Variants in FARP2 observed in about 807,000 individuals in gnomAD.
FARP2 encodes the protein FERM, ARHGEF and pleckstrin domain-containing protein 2.
In FARP2, 111 loss-of-function variants were observed where a neutral mutation model predicts 130.5. That is an observed-to-expected ratio of 0.85 (90% CI 0.73 to 1.00). FARP2 has a LOEUF of 1.00. Among genes scored for constraint, FARP2 ranks in the 50% least tolerant of loss-of-function variants. The probability of loss-of-function intolerance (pLI) is 0.00; values close to 1 mark genes in which losing one functional copy is unlikely to be tolerated. For missense variants in FARP2, 1,385 were observed against 1,346.3 expected (o/e 1.03, Z -0.45); for synonymous variants, 504 against 516.9 (o/e 0.98, Z 0.34).
intron 2 of FARP2, chr2:241,395,348 A>G (rs1016393987): frequency 2.0e-5 from 3 of 152,200 alleles, no homozygotes; most frequent in African/African-American, 4.8e-5. Flanking sequence ...ATATATCTCT[A>G]TACCTTATTT....
chr2:241,434,866 G>A (rs2063183125), intron 10 of FARP2, 96 bp from the exon 11 acceptor site: 3 of 784,354 alleles, frequency 3.8e-6, no homozygotes, highest in Non-Finnish European at 4.4e-6. Context: ...GTATATTTAT[G>A]AGAGAGGATG....
At chr2:241,492,313 CA>C (rs1273763748) in intron 24 of FARP2, among the ~76,000 whole-genome samples, 1 of 152,210 alleles carries the variant, frequency 6.6e-6, no homozygotes, top group Non-Finnish European at 1.5e-5. Flanking sequence ...GGTCAGGGTG[CA>C]GCAGGTCCCT....
chr2:241,406,587 C>G (rs1471507715), intron 4 of FARP2, among the ~76,000 whole-genome samples: 1 of 151,382 alleles, frequency 6.6e-6, no homozygotes, highest in African/African-American at 2.4e-5. Flanking sequence ...GCTGGAACTT[C>G]AGGCATGCGC....
At chr2:241,432,588 T>C (rs1450518719) in intron 9 of FARP2, among the ~76,000 whole-genome samples, 1 of 152,232 alleles carries the variant, frequency 6.6e-6, no homozygotes, top group Non-Finnish European at 1.5e-5. Flanking sequence ...ATAGCTCTAA[T>C]TGAAGAAGCC....
chr2:241,444,817 AG>A (rs2063475536), intron 13 of FARP2: 1 of 152,226 alleles, frequency 6.6e-6, no homozygotes, highest in East Asian at 1.9e-4. Context: ...AAATATACAA[AG>A]CAGGAATGTA....
intron 3 of FARP2, among the ~76,000 whole-genome samples, chr2:241,404,453 G>T (rs902962799): frequency 6.6e-6 from 1 of 152,118 alleles, no homozygotes; most frequent in Non-Finnish European, 1.5e-5. Context: ...GCAGAAGCCC[G>T]CTCATCAGTT....
intron 2 of FARP2, among the ~76,000 whole-genome samples, chr2:241,397,920 C>G (rs2062070767): frequency 6.6e-6 from 1 of 150,870 alleles, no homozygotes; most frequent in South Asian, 2.1e-4. Flanking sequence ...ACCTCCACCT[C>G]CCAGGTTCAC....
Position 241,397,496 on chromosome 2 carries a change from C to T in FARP2, c.184-6332C>T, listed in dbSNP as rs2062059240. 2.6e-5 allele frequency among the ~76,000 whole-genome samples: 4 copies of T among 152,002 alleles called. No individual in the cohort carries two copies. In the South Asian group the frequency reaches 8.3e-4, roughly 32 times the overall value. On this transcript the variant is annotated intron_variant, in intron 2 of 26. Coordinates refer to ENST00000264042, the MANE Select transcript of FARP2 (RefSeq NM_014808.4). ...AAACTTCATAGTGTAGACACTGTAC[C>T]AAACTTGTCTTTTTTTGGGTAATTT...
chr2:241,421,439 C>T (rs1254822950), intron 8 of FARP2, among the ~76,000 whole-genome samples: 1 of 152,240 alleles, frequency 6.6e-6, no homozygotes, highest in African/African-American at 2.4e-5. Context: ...GCTTGGAATT[C>T]TAGCCAGCCA....
At position 241,415,417 on chromosome 2, in the gene FARP2, T is replaced by G. The variant is rs1156476097; in HGVS notation, c.623+1996T>G. Among the ~76,000 whole-genome samples the G allele has an allele frequency of 2.6e-5, 4 of 152,196 alleles. No individual in the cohort carries two copies. The East Asian group carries it at 7.7e-4, about 29-fold the overall frequency. ...TGCATTCCTAGGGTTGGGGATAGTCTCTCCCTGCTGAGACACACAGCAGGG... is the reference window on the plus strand; with the variant it reads ...TGCATTCCTAGGGTTGGGGATAGTCGCTCCCTGCTGAGACACACAGCAGGG... On this transcript the variant is annotated intron_variant, in intron 7 of 26. Coordinates refer to ENST00000264042, the MANE Select transcript of FARP2 (RefSeq NM_014808.4).
intron 13 of FARP2, chr2:241,442,774 G>C: frequency 3.4e-6 from 1 of 298,366 alleles, no homozygotes; most frequent in South Asian, 3.0e-5. Context: ...CCTCCTAGAG[G>C]ACCGATAAAT....
chr2:241,494,386 C>G lies in FARP2; in HGVS notation c.*261C>G, dbSNP rs1049132265. 2 of 296,936 alleles carry G rather than the reference C, an allele frequency of 6.7e-6. No homozygotes were observed. Among genetic ancestry groups the G allele is most frequent in the Non-Finnish European group, 1.2e-5 (2 of 160,226 alleles). The allele number at this position is 296,936 out of a possible 1,614,324, so 18.4% of individuals were successfully genotyped here. On this transcript the variant is annotated 3_prime_UTR_variant, in exon 27 of 27. Transcript: ENST00000264042. This position sits in a 1 kb window ranked among gnomAD's most constrained non-coding sequence, Gnocchi z 4.9. ...GCGCGGAGCCGCTCAAGCCACAGCTCCCAGGCCCCTGGCTCAAAGACGCAG... is the reference window on the plus strand; with the variant it reads ...GCGCGGAGCCGCTCAAGCCACAGCTGCCAGGCCCCTGGCTCAAAGACGCAG...
At chr2:241,360,690 A>AG (rs397955945) in intron 1 of FARP2, among the ~76,000 whole-genome samples, 1 of 151,684 alleles carries the variant, frequency 6.6e-6, no homozygotes, top group Non-Finnish European at 1.5e-5. Flanking sequence ...AAAAAAAAAA[A>AG]GTGAATATTT....
intron 17 of FARP2, chr2:241,465,580 G>A: frequency 6.4e-7 from 1 of 1,550,672 alleles, no homozygotes. Flanking sequence ...CGGTACAGGT[G>A]TTCACATGTG....
chr2:241,423,294 T>C (rs1018044054), intron 8 of FARP2, among the ~76,000 whole-genome samples: 1 of 152,094 alleles, frequency 6.6e-6, no homozygotes, highest in Non-Finnish European at 1.5e-5. Flanking sequence ...CCAGAAGAGA[T>C]TGGGGGCCAA....
intron 26 of FARP2, chr2:241,493,735 C>T (rs1218194757): frequency 2.0e-6 from 1 of 494,842 alleles, no homozygotes; most frequent in Non-Finnish European, 3.6e-6. Flanking sequence ...ACTGAGATTA[C>T]AGGCATGCAC....
At chr2:241,401,379 C>A (rs2150344264) in intron 2 of FARP2, among the ~76,000 whole-genome samples, 1 of 152,272 alleles carries the variant, frequency 6.6e-6, no homozygotes, top group Non-Finnish European at 1.5e-5. Context: ...CTGCTTAGTT[C>A]TTTAATGATG....
chr2:241,392,970 G>A (rs1170402598), intron 2 of FARP2, among the ~76,000 whole-genome samples: 1 of 151,402 alleles, frequency 6.6e-6, no homozygotes, highest in Admixed American at 6.6e-5. Context: ...AGCAGAAGTA[G>A]CAGTTAACAT....
At chr2:241,377,710 T>C (rs1170434678) in intron 2 of FARP2, among the ~76,000 whole-genome samples, 1 of 152,254 alleles carries the variant, frequency 6.6e-6, no homozygotes, top group Admixed American at 6.5e-5. Flanking sequence ...ACTATGTGAA[T>C]ACTTGTTATA....
Sources: gnomAD v4.1 joint callset for allele counts (sites outside exome capture counted in the v4.1 genomes callset) on GRCh38, gnomAD v4.1.1 for gene constraint, Gnocchi (gnomAD v3.1) non-coding constraint, MANE v1.5 for transcripts, NCBI Gene and HGNC (gene_info 2026-07-23, HGNC 2026-07-21) for gene names.